The following CHAF1A variants were observed in gnomAD, a reference collection of about 807,000 sequenced individuals.
The protein encoded by CHAF1A is chromatin assembly factor 1 subunit A.
In CHAF1A, 5 loss-of-function variants were observed where a neutral mutation model predicts 93.2. The ratio of observed to expected loss-of-function variants is 0.05; its 90% confidence interval spans 0.03 to 0.11. The LOEUF is 0.11. Ranked by LOEUF, CHAF1A falls within the 10% of genes least tolerant of loss-of-function variation. The pLI, the probability that CHAF1A is intolerant of heterozygous loss-of-function variation, is 1.00. For synonymous variants in CHAF1A, 504 were observed against 510.3 expected (o/e 0.99, Z 0.17); for missense variants, 1,102 against 1,259.9 (o/e 0.87, Z 1.90).
chr19:4,433,483 T>G lies in CHAF1A; in HGVS notation c.2617T>G (p.Ser873Ala). Reference sequence around the variant, plus strand: ...CACTCCCATCTCGCTGAAGAGGAAGTCAGCGGGCAGCATGTGCATCACCCA... The same window carrying G: ...CACTCCCATCTCGCTGAAGAGGAAGGCAGCGGGCAGCATGTGCATCACCCA... ...QGTPISLKRK[S>A]AGSMCITQFM... Residue 873 changes from serine (S) to alanine (A), a missense_variant, in exon 13 of 15, where the codon TCA becomes GCA. Physicochemically the swap from Ser to Ala is moderately conservative, Grantham distance 99. Transcript: ENST00000301280. This position sits in a 1 kb window ranked among gnomAD's most constrained non-coding sequence, Gnocchi z 5.6. 6.3e-7 allele frequency: 1 copy of G among 1,596,594 alleles called. No individual in the cohort carries two copies. Among genetic ancestry groups the G allele is most frequent in the Non-Finnish European group, 8.6e-7 (1 of 1,165,950 alleles).
intron 7 of CHAF1A, among the ~76,000 whole-genome samples, chr19:4,424,213 A>G (rs1442367518): frequency 3.3e-5 from 5 of 152,220 alleles, no homozygotes; most frequent in Non-Finnish European, 7.3e-5. Context: ...AAACAACAGT[A>G]CAATTCACAA....
At chr19:4,443,419 G>A (rs939415654), downstream of CHAF1A, 18 of 206,388 alleles carry the variant, frequency 8.7e-5, no homozygotes, top group Admixed American at 4.1e-4. Context: ...TGTCTTTTCC[G>A]AAAACATTGT....
chr19:4,442,477 C>T lies in CHAF1A; in HGVS notation c.2770+136C>T, dbSNP rs546258867. On this transcript the variant is annotated intron_variant, in intron 14 of 14. Transcript: ENST00000301280. ...GAGGGCTTGCAGCTGGAAGTGGCTC[C>T]TGCCCTGCCACATCCTCGGGCGGGC... The T allele has an allele frequency of 9.4e-6, 7 of 746,408 alleles. No individual in the cohort carries two copies. The South Asian group carries it at 1.0e-4, about 11-fold the overall frequency. The allele number at this position is 746,408 out of a possible 1,614,324, so 46.2% of individuals were successfully genotyped here.
At chr19:4,417,738 G>C (rs1599645308) in intron 3 of CHAF1A, among the ~76,000 whole-genome samples, 1 of 152,294 alleles carries the variant, frequency 6.6e-6, no homozygotes, top group Non-Finnish European at 1.5e-5. Flanking sequence ...TGGAATTACA[G>C]GCGTTAGCCA....
At chr19:4,427,522 C>T (rs1429948708) in intron 7 of CHAF1A, among the ~76,000 whole-genome samples, 1 of 149,880 alleles carries the variant, frequency 6.7e-6, no homozygotes, top group Admixed American at 6.7e-5. Context: ...AAACGATTCT[C>T]CCGCCTCAGC....
At chr19:4,404,782 G>C (rs547970965) in intron 1 of CHAF1A, among the ~76,000 whole-genome samples, 1 of 151,974 alleles carries the variant, frequency 6.6e-6, no homozygotes, top group South Asian at 2.1e-4. Context: ...CTCTGTTTAA[G>C]GTATTTATCT....
chr19:4,434,694 T>C (rs974997789), intron 13 of CHAF1A, among the ~76,000 whole-genome samples: 1 of 152,066 alleles, frequency 6.6e-6, no homozygotes, highest in African/African-American at 2.4e-5. Context: ...TAATATTCCA[T>C]GTGGTAGCAT....
At chr19:4,409,871 C>A in intron 3 of CHAF1A, 112 bp downstream of exon 3, 1 of 1,244,134 alleles carries the variant, frequency 8.0e-7, no homozygotes, top group African/African-American at 1.5e-5. Flanking sequence ...GGGCCACGGG[C>A]TGGGTCCTGG....
At chr19:4,411,321 T>C (rs243349) in intron 3 of CHAF1A, among the ~76,000 whole-genome samples, 149,271 of 152,246 alleles carry the variant, frequency 0.98, 73,187 homozygotes, top group Non-Finnish European at 0.98. Flanking sequence ...CCTCCGCCTC[T>C]TGGGTTCAAG....
At chr19:4,416,591 A>G (rs564132952) in intron 3 of CHAF1A, among the ~76,000 whole-genome samples, 3 of 152,230 alleles carry the variant, frequency 2.0e-5, no homozygotes, top group Middle Eastern at 6.8e-3. Context: ...TTCACTCCAC[A>G]TTCTAAAAAG....
rs1974278972 is a variant in CHAF1A, at chr19:4,436,122, C to CAGCAA, written c.2673+2584_2673+2588dup. On this transcript the variant is annotated intron_variant, in intron 13 of 14. Transcript: ENST00000301280. The stretch of plus-strand genomic sequence containing the variant: ...CCATTGTACTCGAGCCTGGGCAACA[C>CAGCAA]AGCAAGATTCTAGTCCCCCAAAAAA... Among the ~76,000 whole-genome samples, 5 of 151,554 alleles carry CAGCAA rather than the reference C, an allele frequency of 3.3e-5. No individual in the cohort carries two copies. In the South Asian group the frequency reaches 1.0e-3, roughly 32 times the overall value.
intron 11 of CHAF1A, 91 bp downstream of exon 11, chr19:4,430,732 C>A: frequency 7.6e-7 from 1 of 1,320,752 alleles, no homozygotes; most frequent in Non-Finnish European, 1.1e-6. Context: ...TGACGGGGGT[C>A]CCAGCCCAAC....
intron 2 of CHAF1A, 168 bp from the exon 3 acceptor site, chr19:4,408,735 A>T (rs1429861376): frequency 2.0e-5 from 16 of 782,598 alleles, no homozygotes; most frequent in African/African-American, 3.5e-5. Context: ...GGCCTCCCCA[A>T]AGTGCTGGGA....
chr19:4,430,440 A>T (rs546442254), intron 10 of CHAF1A, 109 bp from the exon 11 acceptor site: 1 of 695,880 alleles, frequency 1.4e-6, no homozygotes, highest in South Asian at 1.6e-5. Flanking sequence ...AGCCTCCCAA[A>T]GTGCTGGGAT....
intron 3 of CHAF1A, among the ~76,000 whole-genome samples, chr19:4,414,223 A>G (rs1429145396): frequency 6.6e-6 from 1 of 152,130 alleles, no homozygotes; most frequent in Non-Finnish European, 1.5e-5. Context: ...CAACATGGTG[A>G]AACTCCGTCT....
At position 4,426,429 on chromosome 19, in the gene CHAF1A, A is replaced by G. The variant is rs191855448; in HGVS notation, c.1378-2235A>G. 3.3e-5 allele frequency among the ~76,000 whole-genome samples: 5 copies of G among 151,580 alleles called. No individual in the cohort carries two copies. The East Asian group carries it at 7.8e-4, about 24-fold the overall frequency. On this transcript the variant is annotated intron_variant, in intron 7 of 14. Transcript: ENST00000301280. ...GTGATCCGCCCGCCTCGGCCTCCCA[A>G]AGGGCTGGGATTACAGGTGTGAGCC... is the stretch of plus-strand genomic sequence containing the variant.
Position 4,432,035 on chromosome 19 carries a change from C to T in CHAF1A, c.2031C>T (p.Arg677=). 6.2e-7 allele frequency: 1 copy of T among 1,614,136 alleles called. No homozygotes were observed. Among genetic ancestry groups the T allele is most frequent in the Non-Finnish European group, 8.5e-7 (1 of 1,180,032 alleles). The change falls in exon 12 of 15, where the codon CGC becomes CGT. Residue 677 remains arginine, a synonymous_variant. Transcript: ENST00000301280. ...EWDEFLAKGK[R]FRVLQPVKIG... ...ACGAGTTCCTGGCTAAGGGGAAGCGCTTTCGCGTCCTGCAACCTGTGAAGA... is the reference window on the plus strand; with the variant it reads ...ACGAGTTCCTGGCTAAGGGGAAGCGTTTTCGCGTCCTGCAACCTGTGAAGA...
At position 4,418,002 on chromosome 19, in the gene CHAF1A, A is replaced by G; in HGVS notation, c.961-18A>G. ...TTGAAATAACCCGTGTTTAAAGATA[A>G]ACGTCTTCTGTTTTCAGATAACTAA... On this transcript the variant is annotated intron_variant, in intron 3 of 14. Transcript: ENST00000301280. The G allele has an allele frequency of 6.3e-7, 1 of 1,582,664 alleles. No homozygotes were observed. Among genetic ancestry groups the G allele is most frequent in the Non-Finnish European group, 8.6e-7 (1 of 1,159,854 alleles).
chr19:4,439,193 T>A (rs761905702), intron 13 of CHAF1A, among the ~76,000 whole-genome samples: 4 of 146,244 alleles, frequency 2.7e-5, no homozygotes, highest in Non-Finnish European at 5.9e-5. Context: ...GGCAGGAGAA[T>A]CACTTGAACT....
Sources: allele counts gnomAD v4.1 joint callset (sites outside exome capture counted in the v4.1 genomes callset), GRCh38; gene constraint gnomAD v4.1.1; non-coding constraint Gnocchi (gnomAD v3.1); transcripts MANE v1.5; gene names NCBI Gene and HGNC (gene_info 2026-07-23, HGNC 2026-07-21).